SPATA3: variants seen among roughly 807,000 people sequenced by gnomAD.
SPATA3 encodes spermatogenesis associated 3.
In SPATA3, 6 loss-of-function variants were observed where a neutral mutation model predicts 5.7. The observed-to-expected ratio is 1.06, with a 90% CI of 0.58 to 2.09. The LOEUF is 2.09. Among genes scored for constraint, SPATA3 ranks in the 30% most tolerant of loss-of-function variants. The pLI is 0.00. For missense variants in SPATA3, 155 were observed against 130.4 expected (o/e 1.19, Z -0.92); for synonymous variants, 44 against 48.4 (o/e 0.91, Z 0.37).
At chr2:231,009,869 T>C (rs1448916397), downstream of SPATA3, among the ~76,000 whole-genome samples, 1 of 152,268 alleles carries the variant, frequency 6.6e-6, no homozygotes, top group East Asian at 1.9e-4. Flanking sequence ...GCTTAGGCCA[T>C]TGTATTCAGA....
At chr2:231,011,072 CAAAA>C (rs556496371), downstream of SPATA3, among the ~76,000 whole-genome samples, 27 of 79,868 alleles carry the variant, frequency 3.4e-4, no homozygotes, top group Non-Finnish European at 5.3e-4. Flanking sequence ...GACCCTGTCT[CAAAA>C]AAAAAAAAAA....
At chr2:231,007,512 T>TA (rs1318350893), downstream of SPATA3, among the ~76,000 whole-genome samples, 2 of 152,160 alleles carry the variant, frequency 1.3e-5, no homozygotes, top group Non-Finnish European at 2.9e-5. Flanking sequence ...AGGAAGGGAT[T>TA]ATAAAGCTTA....
chr2:230,997,533 AG>A (rs1692173992), intron 1 of SPATA3, among the ~76,000 whole-genome samples: 1 of 152,382 alleles, frequency 6.6e-6, no homozygotes, highest in Non-Finnish European at 1.5e-5. Context: ...TAATATTTTT[AG>A]TATGTGTGTC....
downstream of SPATA3, among the ~76,000 whole-genome samples, chr2:231,004,425 TC>T (rs1387987982): frequency 6.6e-6 from 1 of 152,154 alleles, no homozygotes; most frequent in Non-Finnish European, 1.5e-5. Context: ...CCGGCTCCTT[TC>T]TTGACTCTGC....
chr2:231,019,617 C>T (rs188787117), intron 6 of SPATA3: 3 of 151,478 alleles, frequency 2.0e-5, no homozygotes, highest in African/African-American at 7.3e-5. Flanking sequence ...AGCCACCGCG[C>T]CCGGCCCAAT....
intron 4 of SPATA3, among the ~76,000 whole-genome samples, chr2:231,012,347 GGCTGACCA>G (rs1201078976): frequency 6.6e-6 from 1 of 152,178 alleles, no homozygotes; most frequent in Non-Finnish European, 1.5e-5. Context: ...GAAGGGTCTG[GGCTGACCA>G]GCTCCAGAAG....
chr2:231,012,176 C>T (rs1692805254), downstream of SPATA3, among the ~76,000 whole-genome samples: 1 of 152,190 alleles, frequency 6.6e-6, no homozygotes, highest in South Asian at 2.1e-4. Context: ...AGCGGCAGGG[C>T]TGAGCGAGAG....
chr2:231,003,016 G>A (rs1180992781), downstream of SPATA3, among the ~76,000 whole-genome samples: 1 of 152,044 alleles, frequency 6.6e-6, no homozygotes, highest in Non-Finnish European at 1.5e-5. Context: ...TCTAAACAGA[G>A]CCCCCACCTC....
downstream of SPATA3, among the ~76,000 whole-genome samples, chr2:231,005,415 G>C (rs62649964): frequency 1 from 87,189 of 87,518 alleles, 43,430 homozygotes; most frequent in Middle Eastern, 1. Flanking sequence ...ACCAGTATCA[G>C]CATCATCACC....
At chr2:231,000,681 C>A in intron 2 of SPATA3, 144 bp downstream of exon 2, 1 of 939,146 alleles carries the variant, frequency 1.1e-6, no homozygotes, top group Non-Finnish European at 1.4e-6. Flanking sequence ...TTTGCTTTGC[C>A]CACTTCCTGG....
At chr2:231,000,060 C>T (rs964283096) in intron 1 of SPATA3, among the ~76,000 whole-genome samples, 2 of 152,160 alleles carry the variant, frequency 1.3e-5, no homozygotes, top group African/African-American at 4.8e-5. Context: ...GCACCACCTC[C>T]ATCATCATCA....
chr2:231,017,142 A>G (rs2125126868), intron 6 of SPATA3, among the ~76,000 whole-genome samples: 2 of 152,332 alleles, frequency 1.3e-5, no homozygotes, highest in South Asian at 4.1e-4. Flanking sequence ...TGGCTACGAT[A>G]TTAGTTAGAC....
downstream of SPATA3, among the ~76,000 whole-genome samples, chr2:231,009,380 C>CG (rs1482337258): frequency 6.6e-6 from 1 of 152,202 alleles, no homozygotes; most frequent in Non-Finnish European, 1.5e-5. Flanking sequence ...TTGGATCCCC[C>CG]GGGCAGTGGT....
chr2:231,008,486 G>C (rs1348075841), downstream of SPATA3, among the ~76,000 whole-genome samples: 1 of 152,188 alleles, frequency 6.6e-6, no homozygotes, highest in Non-Finnish European at 1.5e-5. Context: ...CAGGGAGCTG[G>C]TTTACCCACA....
chr2:231,001,881 C>T (rs903364291), intron 2 of SPATA3, among the ~76,000 whole-genome samples: 1 of 152,176 alleles, frequency 6.6e-6, no homozygotes, highest in African/African-American at 2.4e-5. Flanking sequence ...AAGGTTCCAA[C>T]AGGAACAGGC....
chr2:231,008,849 G>A (rs912567689), downstream of SPATA3, among the ~76,000 whole-genome samples: 1 of 152,212 alleles, frequency 6.6e-6, no homozygotes, highest in African/African-American at 2.4e-5. Context: ...AGGGGCACAG[G>A]CCATTTCCCT....
Position 230,997,048 on chromosome 2 carries a change from GTC to G in SPATA3, c.791-3316_791-3315del, listed in dbSNP as rs1477496277. 6.5e-4 allele frequency among the ~76,000 whole-genome samples: 99 copies of G among 152,160 alleles called. 1 individual carries two copies. Among genetic ancestry groups the G allele is most frequent in the Non-Finnish European group, 1.6e-4 (11 of 68,032 alleles). On this transcript the variant is annotated intron_variant, in intron 1 of 2. Transcript: ENST00000645363. ...CAATTGAAGGAATTGGAGGATGTCT[GTC>G]TGTCAAGTGGAAGATGTGAATAGAC...
chr2:231,005,087 A>ACCACCATCATCACCG (rs1692506207), downstream of SPATA3, among the ~76,000 whole-genome samples: 1 of 138,034 alleles, frequency 7.2e-6, no homozygotes, highest in African/African-American at 2.7e-5. Context: ...CATCATCACC[A>ACCACCATCATCACCG]TCACCATCCT....
chr2:231,019,795 A>T lies in SPATA3; in HGVS notation c.*641A>T, dbSNP rs1351705021. On this transcript the variant is annotated 3_prime_UTR_variant, in exon 7 of 9. Transcript: ENST00000452881. ...TGGGGTCCTAAGAACAAGCCATCTG[A>T]TGCCTCTACTATCATTACCTCTATT... 2.0e-5 allele frequency: 3 copies of T among 150,758 alleles called. 1 individual carries two copies. Among genetic ancestry groups the T allele is most frequent in the Non-Finnish European group, 3.0e-5 (2 of 67,656 alleles). The allele number at this position is 150,758 out of a possible 1,614,324, so 9.3% of individuals were successfully genotyped here.
Sources: allele counts gnomAD v4.1 joint callset (sites outside exome capture counted in the v4.1 genomes callset), GRCh38; gene constraint gnomAD v4.1.1; transcripts MANE v1.5; gene names NCBI Gene and HGNC (gene_info 2026-07-23, HGNC 2026-07-21).